Variants in TTBK1 observed in about 807,000 individuals in gnomAD.
The protein encoded by TTBK1 is tau-tubulin kinase 1.
In TTBK1, 34 loss-of-function variants were observed where a neutral mutation model predicts 108.5. That is an observed-to-expected ratio of 0.31 (90% CI 0.24 to 0.42). The LOEUF (loss-of-function observed/expected upper bound fraction) is 0.42, where lower values mean the gene tolerates loss of function less well. Ranked by LOEUF, TTBK1 falls within the 10% of genes least tolerant of loss-of-function variation. The pLI is 1.00. For synonymous variants in TTBK1, 809 were observed against 795.1 expected (o/e 1.02, Z -0.29); for missense variants, 1,539 against 1,826.0 (o/e 0.84, Z 2.86).
Position 43,269,210 on chromosome 6 carries a change from T to A in TTBK1, c.1986+5860T>A, listed in dbSNP as rs1245987039. Among the ~76,000 whole-genome samples the A allele has an allele frequency of 6.6e-6, 1 of 152,210 alleles. No homozygotes were observed. Among genetic ancestry groups the A allele is most frequent in the African/African-American group, 2.4e-5 (1 of 41,442 alleles). ...TACAGGGAAAGTTTCTGAGCCCTAA[T>A]GAGTAGCACGGAATCTAGCTGGGGA... On this transcript the variant is annotated intron_variant, in intron 13 of 14. Transcript: ENST00000259750. This position sits in a 1 kb window ranked among gnomAD's most constrained non-coding sequence, Gnocchi z 4.8.
chr6:43,244,789 C>G (rs868647835), intron 1 of TTBK1, among the ~76,000 whole-genome samples: 9 of 152,186 alleles, frequency 5.9e-5, no homozygotes, highest in African/African-American at 2.2e-4. Context: ...CCCAGTTTAG[C>G]TTCTGAAGGC....
At position 43,285,127 on chromosome 6, in the gene TTBK1, A is replaced by G. The variant is rs1489269613; in HGVS notation, c.3717A>G (p.Thr1239=). ...APRSPRLPAS[T]SAARNASASP... ...GCAGCCCGCGCCTCCCCGCGTCCAC[A>G]TCCGCCGCGCGCAATGCCAGCGCGT... The change falls in exon 15 of 15, where the codon ACA becomes ACG. Residue 1239 remains threonine, a synonymous_variant. Transcript: ENST00000259750. The surrounding 1 kb of genome is among the most constrained non-coding windows in gnomAD (Gnocchi z 4.7). 2 of 1,457,606 alleles carry G rather than the reference A, an allele frequency of 1.4e-6. No homozygotes were observed. Among genetic ancestry groups the G allele is most frequent in the Admixed American group, 5.4e-5 (2 of 37,192 alleles). 90.3% of individuals were successfully genotyped at this position (1,457,606 alleles called of 1,614,324 possible).
rs553830665 is a variant in TTBK1 at position 43,259,294 on chromosome 6, G to A, written c.1248+25G>A. The A allele has an allele frequency of 8.6e-6, 13 of 1,518,898 alleles. No individual in the cohort carries two copies. Among genetic ancestry groups the A allele is most frequent in the East Asian group, 6.8e-5 (3 of 43,840 alleles). 94.1% of individuals were successfully genotyped at this position (1,518,898 alleles called of 1,614,324 possible). ...AGTAACTGCCGCCAGGGCGAAGGGC[G>A]TGGGTGGCCTTTTCTCTCACCCCCG... On this transcript the variant is annotated intron_variant, in intron 11 of 14. Coordinates refer to ENST00000259750, the MANE Select transcript of TTBK1 (RefSeq NM_032538.3). This position sits in a 1 kb window ranked among gnomAD's most constrained non-coding sequence, Gnocchi z 6.7.
intron 6 of TTBK1, 37 bp downstream of exon 6, chr6:43,254,688 T>TC (rs34617000): frequency 2.0e-6 from 3 of 1,494,478 alleles, no homozygotes. Flanking sequence ...AGTGGAGGAC[T>TC]CCCCCCTACT....
At position 43,269,544 on chromosome 6, in the gene TTBK1, G is replaced by C; in HGVS notation, c.1986+6194G>C. The C allele has an allele frequency of 7.4e-7, 1 of 1,346,166 alleles. No individual in the cohort carries two copies. The allele number at this position is 1,346,166 out of a possible 1,614,324, so 83.4% of individuals were successfully genotyped here. On this transcript the variant is annotated intron_variant, in intron 13 of 14. Transcript: ENST00000259750. The surrounding 1 kb of genome is among the most constrained non-coding windows in gnomAD (Gnocchi z 4.8). ...ACCCCGCCCACTTGCCCGGGACGCC[G>C]GCGCCGCAGGGGCTGTGAGCGGTGG...
Position 43,244,614 on chromosome 6 carries a change from G to C in TTBK1, c.-55+906G>C, listed in dbSNP as rs578035894. ...CACAGAGAGAAGGAGGGTGGAGAGG[G>C]AGAAGCAGGTAACCCTCATTTATCT... On this transcript the variant is annotated intron_variant, in intron 1 of 14. Coordinates refer to ENST00000259750, the MANE Select transcript of TTBK1 (RefSeq NM_032538.3). 5.3e-5 allele frequency among the ~76,000 whole-genome samples: 8 copies of C among 152,300 alleles called. No homozygotes were observed. In the South Asian group the frequency reaches 1.2e-3, roughly 24 times the overall value.
chr6:43,280,671 T>C (rs752763201), intron 13 of TTBK1, among the ~76,000 whole-genome samples: 1 of 152,174 alleles, frequency 6.6e-6, no homozygotes, highest in Admixed American at 6.5e-5. Context: ...GAGGGAACCC[T>C]ATAAATACAC....
chr6:43,255,972 C>G, intron 9 of TTBK1, 116 bp downstream of exon 9: 3 of 1,337,640 alleles, frequency 2.2e-6, no homozygotes, highest in Non-Finnish European at 3.1e-6. Flanking sequence ...CAAGCCTCTC[C>G]CCTTGGTCTT....
intron 13 of TTBK1, among the ~76,000 whole-genome samples, chr6:43,277,665 C>T (rs906575136): frequency 2.0e-5 from 3 of 152,238 alleles, no homozygotes; most frequent in Non-Finnish European, 4.4e-5. Flanking sequence ...CGCCACCTTC[C>T]CCTTCCCCGG....
At position 43,285,418 on chromosome 6, in the gene TTBK1, C is replaced by T. The variant is rs1241967998; in HGVS notation, c.*42C>T. 4 of 1,249,074 alleles carry T rather than the reference C, an allele frequency of 3.2e-6. No individual in the cohort carries two copies. The highest frequency in any genetic ancestry group is 4.2e-5 in the Admixed American group (1 of 23,618). 77.4% of individuals were successfully genotyped at this position (1,249,074 alleles called of 1,614,324 possible). A position where few individuals can be genotyped will look rare whatever the true frequency, so the allele number is the denominator to read the frequency against. ...CCGCGGTCCCCCACCCTCACCCCGG[C>T]CCCCCACCCGCAGCCGGCCACACTG... On this transcript the variant is annotated 3_prime_UTR_variant, in exon 15 of 15. Transcript: ENST00000259750. This position sits in a 1 kb window ranked among gnomAD's most constrained non-coding sequence, Gnocchi z 4.7.
In TTBK1 at chr6:43,253,524, G is replaced by A. The variant is rs1469038151; in HGVS notation, c.331-44G>A. On this transcript the variant is annotated intron_variant, in intron 4 of 14. Transcript: ENST00000259750. The surrounding 1 kb of genome is among the most constrained non-coding windows in gnomAD (Gnocchi z 5.8). ...GTATCACAATGATGGTGTCTGGGATGATGGCTGAGGGTGAGTCTACCCCCC... is the reference window on the plus strand; with the variant it reads ...GTATCACAATGATGGTGTCTGGGATAATGGCTGAGGGTGAGTCTACCCCCC... 1 of 1,587,884 alleles carries A rather than the reference G, an allele frequency of 6.3e-7. No homozygotes were observed. The highest frequency in any genetic ancestry group is 2.2e-5 in the East Asian group (1 of 44,560).
At chr6:43,268,514 C>T (rs1021236051) in intron 13 of TTBK1, among the ~76,000 whole-genome samples, 1 of 152,220 alleles carries the variant, frequency 6.6e-6, no homozygotes, top group African/African-American at 2.4e-5. Flanking sequence ...CAGGCCCCCT[C>T]CTTCCTGGAG....
Position 43,253,772 on chromosome 6 carries a change from T to A in TTBK1, c.471+64T>A, listed in dbSNP as rs902865963. On this transcript the variant is annotated intron_variant, in intron 5 of 14. Transcript: ENST00000259750. This position sits in a 1 kb window ranked among gnomAD's most constrained non-coding sequence, Gnocchi z 5.8. Reference sequence around the variant, plus strand: ...CAGAACACACCCCTAATTCTTTCCCTGGGTCTCCTGGTTTCTCCTCTGCAA... The same window carrying A: ...CAGAACACACCCCTAATTCTTTCCCAGGGTCTCCTGGTTTCTCCTCTGCAA... The A allele has an allele frequency of 1.8e-5, 27 of 1,532,304 alleles. No homozygotes were observed. The African/African-American group carries it at 3.6e-4, about 20-fold the overall frequency. 94.9% of individuals were successfully genotyped at this position (1,532,304 alleles called of 1,614,324 possible).
chr6:43,275,491 T>C (rs1777954542), intron 13 of TTBK1, among the ~76,000 whole-genome samples: 1 of 149,718 alleles, frequency 6.7e-6, no homozygotes, highest in South Asian at 2.1e-4. Context: ...CAGGCTGGGG[T>C]GCGGATGGGG....
intron 13 of TTBK1, among the ~76,000 whole-genome samples, chr6:43,268,133 T>A (rs1204571837): frequency 6.6e-6 from 1 of 152,222 alleles, no homozygotes; most frequent in Non-Finnish European, 1.5e-5. Context: ...GTGCCCAATC[T>A]GAAGGGCAAG....
chr6:43,275,795 C>A (rs1777967317), intron 13 of TTBK1, among the ~76,000 whole-genome samples: 2 of 152,042 alleles, frequency 1.3e-5, no homozygotes, highest in South Asian at 2.1e-4. Context: ...CAGCTCTTCC[C>A]ACACCCCCAC....
chr6:43,269,543 C>T lies in TTBK1; in HGVS notation c.1986+6193C>T, dbSNP rs1454402326. 6.7e-5 allele frequency: 90 copies of T among 1,345,624 alleles called. No individual in the cohort carries two copies. Among genetic ancestry groups the T allele is most frequent in the Non-Finnish European group, 8.4e-5 (86 of 1,027,298 alleles). The allele number at this position is 1,345,624 out of a possible 1,614,324, so 83.4% of individuals were successfully genotyped here. A position where few individuals can be genotyped will look rare whatever the true frequency, so the allele number is the denominator to read the frequency against. On this transcript the variant is annotated intron_variant, in intron 13 of 14. Transcript: ENST00000259750. This position sits in a 1 kb window ranked among gnomAD's most constrained non-coding sequence, Gnocchi z 4.8. ...GACCCCGCCCACTTGCCCGGGACGC[C>T]GGCGCCGCAGGGGCTGTGAGCGGTG...
chr6:43,274,139 A>G (rs904529666), intron 13 of TTBK1, among the ~76,000 whole-genome samples: 1 of 152,196 alleles, frequency 6.6e-6, no homozygotes, highest in African/African-American at 2.4e-5. Context: ...TAAATTTTCG[A>G]TAACTCAATA....
Position 43,253,770 on chromosome 6 carries a change from C to T in TTBK1, c.471+62C>T. 8 of 1,532,270 alleles carry T rather than the reference C, an allele frequency of 5.2e-6. No homozygotes were observed. The highest frequency in any genetic ancestry group is 1.4e-5 in the African/African-American group (1 of 72,848). The allele number at this position is 1,532,270 out of a possible 1,614,324, so 94.9% of individuals were successfully genotyped here. On this transcript the variant is annotated intron_variant, in intron 5 of 14. Transcript: ENST00000259750. The surrounding 1 kb of genome is among the most constrained non-coding windows in gnomAD (Gnocchi z 5.8). ...TCCAGAACACACCCCTAATTCTTTC[C>T]CTGGGTCTCCTGGTTTCTCCTCTGC...
Sources: gnomAD v4.1 joint callset for allele counts (sites outside exome capture counted in the v4.1 genomes callset) on GRCh38, gnomAD v4.1.1 for gene constraint, Gnocchi (gnomAD v3.1) non-coding constraint, MANE v1.5 for transcripts, NCBI Gene and HGNC (gene_info 2026-07-23, HGNC 2026-07-21) for gene names.